Variants in IGF1R observed in about 807,000 individuals in gnomAD.
The protein encoded by IGF1R is insulin-like growth factor 1 receptor.
A neutral mutation model predicts 144.6 loss-of-function variants in IGF1R; 44 were observed. The ratio of observed to expected loss-of-function variants is 0.30; its 90% confidence interval spans 0.24 to 0.39. IGF1R has a LOEUF of 0.39. Among genes scored for constraint, IGF1R ranks in the 10% least tolerant of loss-of-function variants. The pLI, the probability that IGF1R is intolerant of heterozygous loss-of-function variation, is 1.00. For missense variants in IGF1R, 1,355 were observed against 1,833.7 expected (o/e 0.74, Z 4.77); for synonymous variants, 795 against 722.8 (o/e 1.10, Z -1.60).
At chr15:98,755,640 A>G (rs1446093499) in intron 2 of IGF1R, among the ~76,000 whole-genome samples, 1 of 136,576 alleles carries the variant, frequency 7.3e-6, no homozygotes, top group Non-Finnish European at 1.5e-5. Flanking sequence ...AATTGCTTGA[A>G]CCCAGGAGGC....
At chr15:98,702,739 G>C (rs2053766764) in intron 1 of IGF1R, among the ~76,000 whole-genome samples, 1 of 152,180 alleles carries the variant, frequency 6.6e-6, no homozygotes, top group Admixed American at 6.5e-5. Context: ...AGACCAACCT[G>C]GGCAACATAG....
In IGF1R at chr15:98,837,633, C is replaced by CCTGTTTCTCATCACATTGTCACTCA. The variant is rs761319101; in HGVS notation, c.641-53688_641-53664dup. 4.9e-3 allele frequency among the ~76,000 whole-genome samples: 747 copies of CCTGTTTCTCATCACATTGTCACTCA among 152,232 alleles called. 3 individuals are homozygous for CCTGTTTCTCATCACATTGTCACTCA. Among genetic ancestry groups the CCTGTTTCTCATCACATTGTCACTCA allele is most frequent in the Middle Eastern group, 0.017 (5 of 294 alleles). Reference sequence around the variant, plus strand: ...CCTCCCAACCACAACTGGCCAAGGTCCTGTTTCTCATCACATTGTCACTCA... The same window carrying CCTGTTTCTCATCACATTGTCACTCA: ...CCTCCCAACCACAACTGGCCAAGGTCCTGTTTCTCATCACATTGTCACTCACTGTTTCTCATCACATTGTCACTCA... On this transcript the variant is annotated intron_variant, in intron 2 of 20. Transcript: ENST00000650285.
intron 2 of IGF1R, among the ~76,000 whole-genome samples, chr15:98,776,622 T>A (rs1189055773): frequency 6.6e-6 from 1 of 152,204 alleles, no homozygotes; most frequent in Admixed American, 6.5e-5. Flanking sequence ...GGCTCTGAAA[T>A]AACATAGGTG....
At chr15:98,869,325 C>A (rs1407100913) in intron 2 of IGF1R, among the ~76,000 whole-genome samples, 2 of 140,780 alleles carry the variant, frequency 1.4e-5, no homozygotes, top group African/African-American at 5.5e-5. Context: ...CAAAAAAAAA[C>A]ACCACATACC....
At chr15:98,685,766 G>A (rs1324412813) in intron 1 of IGF1R, among the ~76,000 whole-genome samples, 3 of 152,178 alleles carry the variant, frequency 2.0e-5, no homozygotes, top group Non-Finnish European at 4.4e-5. Flanking sequence ...AGGCATCAGC[G>A]GCTCACCACT....
intron 18 of IGF1R, among the ~76,000 whole-genome samples, chr15:98,940,901 CAGAG>C (rs1321624429): frequency 1.3e-5 from 2 of 152,234 alleles, no homozygotes; most frequent in Non-Finnish European, 1.5e-5. Context: ...GGGCAGCCCT[CAGAG>C]AGGCAAAGAA....
chr15:98,957,736 C>G lies in IGF1R; in HGVS notation c.*294C>G, dbSNP rs917958975. 4.0e-6 allele frequency: 2 copies of G among 500,694 alleles called. No individual in the cohort carries two copies. The highest frequency in any genetic ancestry group is 3.4e-5 in the East Asian group (1 of 29,166). The allele number at this position is 500,694 out of a possible 1,614,324, so 31.0% of individuals were successfully genotyped here. ...AACAGAGCACTTGAGAACCAGTCTC[C>G]TCACTCTGTCCCTGTCCTTCCCTGT... is the stretch of plus-strand genomic sequence containing the variant. On this transcript the variant is annotated 3_prime_UTR_variant, in exon 21 of 21. Coordinates refer to ENST00000650285, the MANE Select transcript of IGF1R (RefSeq NM_000875.5).
intron 20 of IGF1R, chr15:98,954,236 G>C (rs1395885836): frequency 6.8e-6 from 1 of 146,932 alleles, no homozygotes; most frequent in Admixed American, 6.7e-5. Context: ...CCCAGCCTCC[G>C]GGGGGGGTCA....
chr15:98,650,582 T>C (rs1404810819), intron 1 of IGF1R, among the ~76,000 whole-genome samples: 6 of 152,186 alleles, frequency 3.9e-5, no homozygotes, highest in Admixed American at 3.3e-4. Flanking sequence ...GGAGCCGACG[T>C]GCATTCCGAC....
At chr15:98,884,175 T>A (rs1167680322) in intron 2 of IGF1R, among the ~76,000 whole-genome samples, 10 of 152,032 alleles carry the variant, frequency 6.6e-5, no homozygotes, top group Non-Finnish European at 7.4e-5. Context: ...GGCCACGGTG[T>A]GTGCTGTGAT....
intron 1 of IGF1R, among the ~76,000 whole-genome samples, chr15:98,701,117 C>T (rs1810225): frequency 0.95 from 143,740 of 152,084 alleles, 68,182 homozygotes; most frequent in Non-Finnish European, 0.99. Context: ...TAAAGAACTA[C>T]TATAGTATGC....
chr15:98,941,636 G>A (rs1821492775), intron 18 of IGF1R, among the ~76,000 whole-genome samples: 1 of 152,118 alleles, frequency 6.6e-6, no homozygotes, highest in Non-Finnish European at 1.5e-5. Flanking sequence ...CTTCTCAAGG[G>A]CTCAAGATGT....
chr15:98,709,702 G>A (rs2053948117), intron 2 of IGF1R, among the ~76,000 whole-genome samples: 1 of 152,220 alleles, frequency 6.6e-6, no homozygotes, highest in Admixed American at 6.5e-5. Flanking sequence ...GGATGGGCCA[G>A]CCCTTCTGGG....
chr15:98,811,098 C>T (rs1490517604), intron 2 of IGF1R, among the ~76,000 whole-genome samples: 3 of 151,500 alleles, frequency 2.0e-5, no homozygotes, highest in South Asian at 2.1e-4. Context: ...GTCAGGAGTT[C>T]GAAACCAGCC....
chr15:98,764,546 T>C (rs1451656317), intron 2 of IGF1R, among the ~76,000 whole-genome samples: 1 of 152,236 alleles, frequency 6.6e-6, no homozygotes, highest in Non-Finnish European at 1.5e-5. Flanking sequence ...TAGAGGCTTC[T>C]AGCACAGAAA....
At chr15:98,950,850 A>G (rs968656402) in intron 20 of IGF1R, among the ~76,000 whole-genome samples, 18 of 152,216 alleles carry the variant, frequency 1.2e-4, no homozygotes, top group African/African-American at 3.9e-4. Flanking sequence ...TTAGAATTCC[A>G]TAGTCTCAGA....
intron 18 of IGF1R, among the ~76,000 whole-genome samples, chr15:98,940,959 G>T (rs1011396961): frequency 6.6e-6 from 1 of 152,200 alleles, no homozygotes; most frequent in Non-Finnish European, 1.5e-5. Context: ...GGAAAGAGCC[G>T]CCCGCGTCCC....
intron 2 of IGF1R, among the ~76,000 whole-genome samples, chr15:98,834,747 C>T (rs2057062788): frequency 6.6e-6 from 1 of 152,158 alleles, no homozygotes; most frequent in Admixed American, 6.5e-5. Flanking sequence ...TCCAGAGCAT[C>T]CTTTGCCCCT....
chr15:98,767,582 T>C (rs1439899422), intron 2 of IGF1R, among the ~76,000 whole-genome samples: 2 of 152,260 alleles, frequency 1.3e-5, no homozygotes, highest in Non-Finnish European at 2.9e-5. Context: ...AAATATTTCT[T>C]ATTGTTGATA....
Sources: allele counts gnomAD v4.1 joint callset (sites outside exome capture counted in the v4.1 genomes callset), GRCh38; gene constraint gnomAD v4.1.1; transcripts MANE v1.5; gene names NCBI Gene and HGNC (gene_info 2026-07-23, HGNC 2026-07-21).